STX8: variants seen among roughly 807,000 people sequenced by gnomAD.
STX8 encodes syntaxin 8.
In STX8, 23 loss-of-function variants were observed where a neutral mutation model predicts 37.5. The observed-to-expected ratio is 0.61, with a 90% CI of 0.44 to 0.87. The LOEUF is 0.87. STX8 is among the 40% of genes least tolerant of loss of function. The pLI is 0.00. For missense variants in STX8, 313 were observed against 284.7 expected (o/e 1.10, Z -0.71); for synonymous variants, 115 against 99.1 (o/e 1.16, Z -0.95).
At chr17:9,392,546 G>A (rs113706986) in intron 6 of STX8, among the ~76,000 whole-genome samples, 5,426 of 152,280 alleles carry the variant, frequency 0.036, 136 homozygotes, top group Non-Finnish European at 0.054. Flanking sequence ...GGTTGAGGCT[G>A]CAGTGAGCTG....
chr17:9,418,516 T>TAA (rs71361891), intron 6 of STX8, among the ~76,000 whole-genome samples: 67 of 114,936 alleles, frequency 5.8e-4, no homozygotes, highest in South Asian at 2.6e-3. Context: ...TCCGTTTTTC[T>TAA]AAAAAAAAAA....
intron 7 of STX8, among the ~76,000 whole-genome samples, chr17:9,350,513 A>G (rs940870874): frequency 2.6e-5 from 4 of 151,112 alleles, no homozygotes; most frequent in African/African-American, 4.9e-5. Context: ...TGCTCACACT[A>G]AAGTGTTTTT....
chr17:9,299,299 T>A (rs917796648), intron 7 of STX8, among the ~76,000 whole-genome samples: 1 of 152,074 alleles, frequency 6.6e-6, no homozygotes, highest in African/African-American at 2.4e-5. Context: ...TAATTCCCAA[T>A]CTATGCTATA....
intron 4 of STX8, among the ~76,000 whole-genome samples, chr17:9,519,765 A>T (rs1905275839): frequency 6.9e-6 from 1 of 145,070 alleles, no homozygotes; most frequent in African/African-American, 2.6e-5. Flanking sequence ...CAAAACTTTC[A>T]CACTCTCATG....
At position 9,545,297 on chromosome 17, in the gene STX8, T is replaced by C. The variant is rs768390269; in HGVS notation, c.213-15A>G. On this transcript the variant is annotated splice_polypyrimidine_tract_variant and intron_variant, in intron 3 of 7. Coordinates refer to ENST00000306357, the MANE Select transcript of STX8 (RefSeq NM_004853.3). ...CAAGCTGTGTTCTGCAGATATCTTGTTAAGGTTCAATGGTGAATAAATGAC... is the reference window on the plus strand; with the variant it reads ...CAAGCTGTGTTCTGCAGATATCTTGCTAAGGTTCAATGGTGAATAAATGAC... The C allele has an allele frequency of 1.3e-6, 2 of 1,581,918 alleles. No individual in the cohort carries two copies. The highest frequency in any genetic ancestry group is 1.7e-6 in the Non-Finnish European group (2 of 1,153,498).
At position 9,360,330 on chromosome 17, in the gene STX8, G is replaced by GAGA. The variant is rs1254583976; in HGVS notation, c.643+18221_643+18222insTCT. ...GCTCACTGCAACCTCTGCCTCCCGGGTTCAAGCGATTCTCCTGCCTCAGCC... is the reference window on the plus strand; with the variant it reads ...GCTCACTGCAACCTCTGCCTCCCGGGAGATTCAAGCGATTCTCCTGCCTCAGCC... On this transcript the variant is annotated intron_variant, in intron 7 of 7. Transcript: ENST00000306357. Among the ~76,000 whole-genome samples the GAGA allele has an allele frequency of 2.9e-3, 427 of 146,900 alleles. 4 individuals carry two copies. Among genetic ancestry groups the GAGA allele is most frequent in the African/African-American group, 0.01 (411 of 39,944 alleles).
intron 7 of STX8, among the ~76,000 whole-genome samples, chr17:9,373,727 G>T (rs1199955369): frequency 2.6e-5 from 4 of 152,116 alleles, no homozygotes; most frequent in African/African-American, 7.2e-5. Context: ...ATCACCCGAG[G>T]CTGGGAGTTT....
chr17:9,272,588 AC>A (rs1385193139), intron 7 of STX8, among the ~76,000 whole-genome samples: 1 of 152,322 alleles, frequency 6.6e-6, no homozygotes, highest in East Asian at 1.9e-4. Context: ...CCCAGAGCGT[AC>A]CCCGAAGCTA....
chr17:9,397,148 A>G (rs1912432769), intron 6 of STX8, among the ~76,000 whole-genome samples: 1 of 152,246 alleles, frequency 6.6e-6, no homozygotes, highest in Admixed American at 6.5e-5. Flanking sequence ...CTGTAATCCC[A>G]GCACTTTGGG....
chr17:9,561,664 C>CAAA (rs11353116), intron 2 of STX8, among the ~76,000 whole-genome samples: 78 of 66,586 alleles, frequency 1.2e-3, no homozygotes, highest in Non-Finnish European at 1.3e-3. Flanking sequence ...TCCATCTGGC[C>CAAA]AAAAAAAAAA....
intron 6 of STX8, among the ~76,000 whole-genome samples, chr17:9,483,630 T>C (rs553622553): frequency 7.9e-5 from 12 of 152,316 alleles, no homozygotes; most frequent in African/African-American, 2.9e-4. Context: ...GTATGTGAAA[T>C]CTTTATCTGA....
intron 7 of STX8, among the ~76,000 whole-genome samples, chr17:9,344,548 AC>A (rs1282076018): frequency 2.6e-5 from 4 of 152,172 alleles, no homozygotes; most frequent in African/African-American, 9.7e-5. Flanking sequence ...GGCATGAGCC[AC>A]CAAACCTCTT....
chr17:9,398,527 T>C (rs139322547), intron 6 of STX8, among the ~76,000 whole-genome samples: 2 of 152,234 alleles, frequency 1.3e-5, no homozygotes, highest in East Asian at 1.9e-4. Flanking sequence ...GAAAAGGACA[T>C]TGGGTCAAAA....
Position 9,280,776 on chromosome 17 carries a change from G to C in STX8, c.644-30131C>G, listed in dbSNP as rs1429760062. On this transcript the variant is annotated intron_variant, in intron 7 of 7. Transcript: ENST00000306357. ...AAACATTTAACTCAAATAGCAACAG[G>C]ATCTTTCAGGAACCTGCCAAATTAC... is the stretch of plus-strand genomic sequence containing the variant. Among the ~76,000 whole-genome samples, 4 of 152,140 alleles carry C rather than the reference G, an allele frequency of 2.6e-5. No homozygotes were observed. The South Asian group carries it at 6.2e-4, about 24-fold the overall frequency.
chr17:9,456,063 C>T (rs1251298902), intron 6 of STX8, among the ~76,000 whole-genome samples: 1 of 152,122 alleles, frequency 6.6e-6, no homozygotes, highest in Non-Finnish European at 1.5e-5. Context: ...GGATTCAGAT[C>T]CTGGGAGGAA....
intron 6 of STX8, among the ~76,000 whole-genome samples, chr17:9,426,395 T>C (rs1388784584): frequency 6.6e-6 from 1 of 152,016 alleles, no homozygotes; most frequent in African/African-American, 2.4e-5. Context: ...GGCGTGGTGG[T>C]CGGCACCTGT....
intron 7 of STX8, among the ~76,000 whole-genome samples, chr17:9,310,322 C>G (rs771498776): frequency 7.2e-5 from 11 of 152,194 alleles, no homozygotes; most frequent in Non-Finnish European, 1.6e-4. Context: ...CAGCAGTGCA[C>G]TCACTTAAAA....
chr17:9,262,289 C>T lies in STX8; in HGVS notation c.644-11644G>A, dbSNP rs73973385. Among the ~76,000 whole-genome samples the T allele has an allele frequency of 5.4e-3, 830 of 152,298 alleles. 7 individuals are homozygous for T. The highest frequency in any genetic ancestry group is 0.019 in the African/African-American group (787 of 41,566). Reference sequence around the variant, plus strand: ...TGTTCAACTTAACCCTGCCTCCATACGCACAGCTGATGCAACAGACCTCAA... The same window carrying T: ...TGTTCAACTTAACCCTGCCTCCATATGCACAGCTGATGCAACAGACCTCAA... On this transcript the variant is annotated intron_variant, in intron 7 of 7. Coordinates refer to ENST00000306357, the MANE Select transcript of STX8 (RefSeq NM_004853.3).
At chr17:9,288,272 T>C (rs564227763) in intron 7 of STX8, among the ~76,000 whole-genome samples, 1 of 149,652 alleles carries the variant, frequency 6.7e-6, no homozygotes, top group Admixed American at 6.7e-5. Context: ...ATTACAATTA[T>C]CATAGAGATA....
Sources: allele counts gnomAD v4.1 joint callset (sites outside exome capture counted in the v4.1 genomes callset), GRCh38; gene constraint gnomAD v4.1.1; transcripts MANE v1.5; gene names NCBI Gene and HGNC (gene_info 2026-07-23, HGNC 2026-07-21).